SYNE2: variants seen among roughly 807,000 people sequenced by gnomAD.
SYNE2 encodes the protein spectrin repeat containing nuclear envelope protein 2.
Under a neutral mutation model 856.3 loss-of-function variants are expected in SYNE2, and 431 were observed. The ratio of observed to expected loss-of-function variants is 0.50; its 90% CI spans 0.47 to 0.55. The LOEUF is 0.55. Among genes scored for constraint, SYNE2 ranks in the 20% least tolerant of loss-of-function variants. The probability of loss-of-function intolerance (pLI) is 0.00; values close to 1 mark genes in which losing one functional copy is unlikely to be tolerated. For missense variants in SYNE2, 8,129 were observed against 8,023.2 expected (o/e 1.01, Z -0.50); for synonymous variants, 2,923 against 2,872.3 (o/e 1.02, Z -0.56).
Position 64,016,485 on chromosome 14 carries a change from AAAG to A in SYNE2, c.4747_4749del (p.Glu1583del). The A allele has an allele frequency of 1.3e-6, 2 of 1,588,266 alleles. No individual in the cohort carries two copies. Among genetic ancestry groups the A allele is most frequent in the East Asian group, 2.2e-5 (1 of 44,552 alleles). ...ATCTTTTTTACAGATTGAAATTGTCAAAGAAGAATTTAATGAGCATTTAGAAGT... is the reference window on the plus strand; with the variant it reads ...ATCTTTTTTACAGATTGAAATTGTCAAAGAATTTAATGAGCATTTAGAAGT... On this transcript the variant is annotated inframe_deletion, in exon 33 of 116. Transcript: ENST00000555002.
intron 96 of SYNE2, among the ~76,000 whole-genome samples, chr14:64,183,839 A>C (rs1202395687): frequency 6.6e-6 from 1 of 151,724 alleles, no homozygotes; most frequent in Non-Finnish European, 1.5e-5. Context: ...TCAGGCAGGG[A>C]GGTTGCAGTG....
At chr14:63,977,429 G>C (rs1441834736) in intron 12 of SYNE2, among the ~76,000 whole-genome samples, 1 of 152,118 alleles carries the variant, frequency 6.6e-6, no homozygotes, top group African/African-American at 2.4e-5. Flanking sequence ...AGCCAGGATG[G>C]TCTCAAGCTC....
intron 2 of SYNE2, among the ~76,000 whole-genome samples, chr14:63,918,148 G>C (rs1219770302): frequency 6.6e-6 from 1 of 152,136 alleles, no homozygotes; most frequent in African/African-American, 2.4e-5. Context: ...TTCAGAGCTT[G>C]AAGTAGTACA....
At chr14:63,975,719 C>CAA (rs2096537184) in intron 11 of SYNE2, among the ~76,000 whole-genome samples, 2 of 152,134 alleles carry the variant, frequency 1.3e-5, no homozygotes, top group African/African-American at 4.8e-5. Context: ...AAGGTGCTTC[C>CAA]ATGTTGGCAT....
chr14:63,953,533 G>GAT (rs1435790177), intron 7 of SYNE2, among the ~76,000 whole-genome samples: 2,760 of 27,310 alleles, frequency 0.1, 88 homozygotes, highest in African/African-American at 0.16. Flanking sequence ...TAGATAGATA[G>GAT]AGAGAGAGAG....
chr14:64,180,992 A>G (rs949048409), intron 96 of SYNE2, among the ~76,000 whole-genome samples: 3 of 152,106 alleles, frequency 2.0e-5, no homozygotes, highest in African/African-American at 7.2e-5. Flanking sequence ...TTAAACTCTT[A>G]TGTTAATTCC....
Position 63,980,680 on chromosome 14 carries a change from A to C in SYNE2, c.1596A>C (p.Leu532=), listed in dbSNP as rs753409506. Residue 532 remains leucine (L), a synonymous_variant, in exon 15 of 116, where the codon CTA becomes CTC. Coordinates refer to ENST00000555002, the MANE Select transcript of SYNE2 (RefSeq NM_182914.3). The part of the protein sequence containing the change: ...WHKFIEEKEF[L]ARLDTSFQKC... ...AATTTATTGAAGAAAAAGAATTCCTAGCTCGACTTGATACTTCTTTTCAAA... is the reference window on the plus strand; with the variant it reads ...AATTTATTGAAGAAAAAGAATTCCTCGCTCGACTTGATACTTCTTTTCAAA... 1 of 1,606,148 alleles carries C rather than the reference A, an allele frequency of 6.2e-7. No homozygotes were observed.
At chr14:64,034,974 T>A (rs1004332109) in intron 45 of SYNE2, among the ~76,000 whole-genome samples, 2 of 150,158 alleles carry the variant, frequency 1.3e-5, no homozygotes, top group African/African-American at 4.9e-5. Flanking sequence ...TTACAGCTTA[T>A]CTAGTATGGA....
Position 63,814,222 on chromosome 14 carries a change from A to T in SYNE2, c.-304-38279A>T, listed in dbSNP as rs374753138. ...GCAGCAGAGGTTGCAGTGAGCTGAG[A>T]TCATGCCACTGCACTCCAGTCTGGG... is the stretch of plus-strand genomic sequence containing the variant. On this transcript the variant is annotated intron_variant, in intron 1 of 23. Transcript: ENST00000674003. Among the ~76,000 whole-genome samples, 27 of 151,934 alleles carry T rather than the reference A, an allele frequency of 1.8e-4. No individual in the cohort carries two copies. The East Asian group carries it at 5.2e-3, about 29-fold the overall frequency.
chr14:64,007,534 T>C (rs959418115), intron 31 of SYNE2, among the ~76,000 whole-genome samples: 1 of 152,196 alleles, frequency 6.6e-6, no homozygotes, highest in African/African-American at 2.4e-5. Flanking sequence ...ACGAACTTAG[T>C]GGCTTAAAAA....
At chr14:64,094,861 A>G (rs565274884) in intron 61 of SYNE2, among the ~76,000 whole-genome samples, 14 of 152,352 alleles carry the variant, frequency 9.2e-5, no homozygotes, top group African/African-American at 2.6e-4. Context: ...CCCACTACAT[A>G]TTAATAGGAA....
rs1248385208 is a variant in SYNE2, at chr14:64,100,528, AAAAATATATATATATAT to A, written c.12382-1402_12382-1386del. On this transcript the variant is annotated intron_variant, in intron 63 of 115. Coordinates refer to ENST00000555002, the MANE Select transcript of SYNE2 (RefSeq NM_182914.3). Reference sequence around the variant, plus strand: ...CAAAACTGTCTCAAAAAAAAAAAAAAAAAATATATATATATATATATATATATATATATATATATATA... The same window carrying A: ...CAAAACTGTCTCAAAAAAAAAAAAAAATATATATATATATATATATATATA... Among the ~76,000 whole-genome samples, 359 of 74,418 alleles carry A rather than the reference AAAAATATATATATATAT, an allele frequency of 4.8e-3. 21 individuals carry two copies. The highest frequency in any genetic ancestry group is 0.019 in the African/African-American group (264 of 13,826). The allele number at this position is 74,418 out of a possible 152,430, so 48.8% of individuals were successfully genotyped here.
In SYNE2 at chr14:64,081,550, G is replaced by T. The variant is rs1031509034; in HGVS notation, c.11454G>T (p.Arg3818Ser). Residue 3818 changes from arginine to serine, a missense_variant, in exon 57 of 116, where the codon AGG becomes AGT. Coordinates refer to ENST00000555002, the MANE Select transcript of SYNE2 (RefSeq NM_182914.3). ...LANPADYDSL[R>S]TLSHHASTVQ... The stretch of plus-strand genomic sequence containing the variant: ...ATCCTGCTGACTATGACTCTTTGAG[G>T]ACACTGAGTCACCATGCTAGCACTG... 1 of 1,614,102 alleles carries T rather than the reference G, an allele frequency of 6.2e-7. No individual in the cohort carries two copies. Among genetic ancestry groups the T allele is most frequent in the African/African-American group, 1.3e-5 (1 of 75,048 alleles).
At chr14:63,807,866 A>ATATAT in intron 1 of SYNE2, among the ~76,000 whole-genome samples, 2 of 45,364 alleles carry the variant, frequency 4.4e-5, no homozygotes, top group Non-Finnish European at 9.7e-5. Flanking sequence ...TATATATATA[A>ATATAT]TTTCAATAGT....
At chr14:63,869,053 A>G (rs1372797411) in intron 1 of SYNE2, among the ~76,000 whole-genome samples, 1 of 152,188 alleles carries the variant, frequency 6.6e-6, no homozygotes, top group African/African-American at 2.4e-5. Flanking sequence ...GGAATATTAG[A>G]ACTTGAGAAA....
At chr14:63,938,063 G>A (rs1485178211) in intron 2 of SYNE2, among the ~76,000 whole-genome samples, 1 of 152,156 alleles carries the variant, frequency 6.6e-6, no homozygotes, top group East Asian at 1.9e-4. Flanking sequence ...CGACAGCAAG[G>A]TGATTGACGC....
intron 1 of SYNE2, among the ~76,000 whole-genome samples, chr14:63,766,055 T>TGCA (rs1170944065): frequency 6.6e-6 from 1 of 151,306 alleles, no homozygotes; most frequent in African/African-American, 2.4e-5. Flanking sequence ...TAACTACTCT[T>TGCA]GCATGGATAA....
chr14:63,761,887 G>A (rs111831743), upstream of SYNE2: 40 of 217,416 alleles, frequency 1.8e-4, no homozygotes, highest in African/African-American at 8.3e-4. Context: ...AGCCCGAGCG[G>A]CGGCGGCAGC....
At chr14:64,008,477 T>C (rs539790187) in intron 31 of SYNE2, among the ~76,000 whole-genome samples, 6 of 152,180 alleles carry the variant, frequency 3.9e-5, no homozygotes, top group Admixed American at 6.5e-5. Context: ...TTGCAAAAAT[T>C]TTTGAAACTG....
Sources: allele counts gnomAD v4.1 joint callset (sites outside exome capture counted in the v4.1 genomes callset), GRCh38; gene constraint gnomAD v4.1.1; transcripts MANE v1.5; gene names NCBI Gene and HGNC (gene_info 2026-07-23, HGNC 2026-07-21).